NAA35: variants seen among roughly 807,000 people sequenced by gnomAD.
The protein encoded by NAA35 is N-alpha-acetyltransferase 35, NatC auxiliary subunit.
NAA35 carries 18 observed loss-of-function variants against 101.7 expected under a neutral mutation model. That is an observed-to-expected ratio of 0.18 (90% confidence interval 0.12 to 0.26). The LOEUF is 0.26. NAA35 is among the 10% of genes least tolerant of loss of function. NAA35 has a pLI of 1.00. For missense variants in NAA35, 601 were observed against 886.8 expected (o/e 0.68, Z 4.09); for synonymous variants, 267 against 273.1 (o/e 0.98, Z 0.22).
chr9:86,023,408 AG>A lies in NAA35; in HGVS notation c.*1450del, dbSNP rs1204279673. Among the ~76,000 whole-genome samples, 1 of 152,216 alleles carries A rather than the reference AG, an allele frequency of 6.6e-6. No homozygotes were observed. Among genetic ancestry groups the A allele is most frequent in the Non-Finnish European group, 1.5e-5 (1 of 68,026 alleles). On this transcript the variant is annotated 3_prime_UTR_variant, in exon 23 of 23. Coordinates refer to ENST00000361671, the MANE Select transcript of NAA35 (RefSeq NM_024635.4). ...AAAAGGCAAAGGAATGGTAGGAAAT[AG>A]GCAAGACAAGAAACAAAGAATCAAA...
In NAA35 at chr9:85,958,567, A is replaced by G. The variant is rs374811138; in HGVS notation, c.254A>G (p.Asn85Ser). ...IGNQVNRKVL[N>S]FEQAIKDGTI... ...AACCAAGTTAATCGAAAAGTTCTCA[A>G]TTTTGAACAAGCTATCAAGGTAGTT... The change falls in exon 4 of 23, where the codon AAT becomes AGT. Residue 85 changes from asparagine (N) to serine (S), a missense_variant. Asn to Ser is a conservative substitution (Grantham distance 46). This residue lies in a region of NAA35 where 42 missense variants were observed against 41.2 expected (regional missense o/e 1.02). Transcript: ENST00000361671. The G allele has an allele frequency of 5.0e-6, 8 of 1,610,068 alleles. No homozygotes were observed. In the Admixed American group the frequency reaches 1.0e-4, roughly 20 times the overall value.
intron 14 of NAA35, among the ~76,000 whole-genome samples, chr9:86,008,103 C>G (rs1831729257): frequency 6.6e-6 from 1 of 152,176 alleles, no homozygotes; most frequent in Non-Finnish European, 1.5e-5. Flanking sequence ...CATAATGTTG[C>G]TCAGGCTGGA....
At chr9:85,955,352 A>T (rs1481202951) in intron 2 of NAA35, among the ~76,000 whole-genome samples, 1,901 of 60,984 alleles carry the variant, frequency 0.031, 177 homozygotes, top group African/African-American at 0.12. Flanking sequence ...ATATATATAT[A>T]TATATATATT....
chr9:86,017,997 A>G (rs1832314223), intron 19 of NAA35, among the ~76,000 whole-genome samples: 1 of 152,250 alleles, frequency 6.6e-6, no homozygotes, highest in South Asian at 2.1e-4. Context: ...TTCAAAAGGC[A>G]GTGGGTACTA....
At chr9:85,958,754 AT>A (rs1829382452) in intron 4 of NAA35, among the ~76,000 whole-genome samples, 168 bp downstream of exon 4, 1 of 152,242 alleles carries the variant, frequency 6.6e-6, no homozygotes, top group Non-Finnish European at 1.5e-5. Flanking sequence ...AAGTCTGAAA[AT>A]TGAGGTCTTC....
intron 15 of NAA35, among the ~76,000 whole-genome samples, chr9:86,010,522 T>C (rs997408624): frequency 2.0e-5 from 3 of 151,932 alleles, no homozygotes; most frequent in South Asian, 2.1e-4. Flanking sequence ...TCCTCAAAAT[T>C]TTTTGTGAAT....
chr9:85,960,053 C>G (rs1358005986), intron 5 of NAA35, among the ~76,000 whole-genome samples, 186 bp downstream of exon 5: 1 of 152,148 alleles, frequency 6.6e-6, no homozygotes, highest in Non-Finnish European at 1.5e-5. Context: ...ATTTTACATT[C>G]TAATTTTCTG....
Position 85,975,025 on chromosome 9 carries a change from G to C in NAA35, c.575G>C (p.Arg192Pro). ...ATGGCTAACAGTGTGACAGATCTTCGAGTTACAGGTAAAATTATTTTTAAA... is the reference window on the plus strand; with the variant it reads ...ATGGCTAACAGTGTGACAGATCTTCCAGTTACAGGTAAAATTATTTTTAAA... The part of the protein sequence containing the change: ...FKMANSVTDL[R>P]VTGMLKDVED... The change falls in exon 7 of 23, where the codon CGA becomes CCA. Residue 192 changes from arginine to proline, a missense_variant. By Grantham distance (103) the Arg-to-Pro change is moderately radical (BLOSUM62 -2). This residue lies in a region of NAA35 where 86 missense variants were observed against 169.4 expected (regional missense o/e 0.51). Transcript: ENST00000361671. 1 of 1,612,542 alleles carries C rather than the reference G, an allele frequency of 6.2e-7. No individual in the cohort carries two copies. Among genetic ancestry groups the C allele is most frequent in the South Asian group, 1.1e-5 (1 of 90,954 alleles).
At chr9:85,984,258 G>C (rs1161775301) in intron 11 of NAA35, among the ~76,000 whole-genome samples, 2 of 152,178 alleles carry the variant, frequency 1.3e-5, no homozygotes, top group African/African-American at 4.8e-5. Flanking sequence ...GAGCCCAGGA[G>C]GTTGAGGCTA....
At chr9:85,988,266 G>A (rs1346201030) in intron 11 of NAA35, among the ~76,000 whole-genome samples, 1 of 152,182 alleles carries the variant, frequency 6.6e-6, no homozygotes. Context: ...AAGAAAAGAA[G>A]CAGATGAAAA....
chr9:85,976,616 T>C (rs2118047617), intron 8 of NAA35, 69 bp from the exon 9 acceptor site: 1 of 1,203,816 alleles, frequency 8.3e-7, no homozygotes, highest in East Asian at 2.5e-5. Context: ...AATCAGTGTT[T>C]TTCCTTATGT....
intron 2 of NAA35, among the ~76,000 whole-genome samples, chr9:85,954,868 C>T (rs1025281043): frequency 6.6e-6 from 1 of 152,126 alleles, no homozygotes; most frequent in African/African-American, 2.4e-5. Flanking sequence ...GACCACTCTT[C>T]GAGAATTGCT....
intron 9 of NAA35, 107 bp from the exon 10 acceptor site, chr9:85,977,256 A>G: frequency 2.6e-6 from 2 of 783,994 alleles, no homozygotes; most frequent in Non-Finnish European, 4.4e-6. Context: ...GGTGCCTGTA[A>G]TGTAGTAAGT....
intron 4 of NAA35, 53 bp from the exon 5 acceptor site, chr9:85,959,740 C>T: frequency 8.0e-7 from 1 of 1,252,764 alleles, no homozygotes; most frequent in East Asian, 2.3e-5. Context: ...TACATAGTAA[C>T]CATAAGTTTA....
intron 11 of NAA35, among the ~76,000 whole-genome samples, chr9:85,993,970 G>A (rs1831049709): frequency 6.6e-6 from 1 of 151,188 alleles, no homozygotes; most frequent in South Asian, 2.1e-4. Context: ...CAGGACACCC[G>A]GCTAATTTTT....
rs191088767 is a variant in NAA35 at position 86,005,535 on chromosome 9, A to G, written c.1117-1823A>G. 1.6e-3 allele frequency among the ~76,000 whole-genome samples: 247 copies of G among 152,336 alleles called. 1 individual carries two copies. Among genetic ancestry groups the G allele is most frequent in the African/African-American group, 3.8e-3 (158 of 41,572 alleles). The stretch of plus-strand genomic sequence containing the variant: ...CACACAGATTTGGAAAGGAAGAAAA[A>G]ATATTGTCTATTTAGAGATGACATC... On this transcript the variant is annotated intron_variant, in intron 13 of 22. Transcript: ENST00000361671.
intron 11 of NAA35, among the ~76,000 whole-genome samples, chr9:85,987,648 G>C (rs535562112): frequency 6.6e-6 from 1 of 152,304 alleles, no homozygotes; most frequent in South Asian, 2.1e-4. Flanking sequence ...TGTGAAGATG[G>C]CTCTGATGTT....
At chr9:85,982,998 A>G (rs148466829) in intron 11 of NAA35, among the ~76,000 whole-genome samples, 129 of 152,316 alleles carry the variant, frequency 8.5e-4, no homozygotes, top group African/African-American at 2.3e-3. Flanking sequence ...ATACTTCTGG[A>G]AATGGGTATG....
chr9:85,947,213 T>C (rs911830847), intron 2 of NAA35, among the ~76,000 whole-genome samples: 1 of 152,186 alleles, frequency 6.6e-6, no homozygotes, highest in African/African-American at 2.4e-5. Flanking sequence ...TGTTATTATC[T>C]AGGTGATCTG....
Sources: gnomAD v4.1 joint callset for allele counts (sites outside exome capture counted in the v4.1 genomes callset) on GRCh38, gnomAD v4.1.1 for gene constraint, gnomAD v4.1.1 regional missense constraint, MANE v1.5 for transcripts, NCBI Gene and HGNC (gene_info 2026-07-23, HGNC 2026-07-21) for gene names.